The following SPAG16 variants were observed in gnomAD, a reference collection of about 807,000 sequenced individuals.
SPAG16 encodes sperm-associated antigen 16 protein.
A neutral mutation model predicts 80.4 loss-of-function variants in SPAG16; 86 were observed. That is an observed-to-expected ratio of 1.07 (90% CI 0.90 to 1.28). The LOEUF (loss-of-function observed/expected upper bound fraction) is 1.28. SPAG16 is among the 50% of genes most tolerant of loss of function. SPAG16 has a pLI of 0.00. For synonymous variants in SPAG16, 294 were observed against 265.9 expected, an observed-to-expected ratio of 1.11 and a Z score of -1.03; for missense variants, 870 against 765.3, an observed-to-expected ratio of 1.14 and a Z score of -1.61.
At chr2:213,345,662 G>C (rs201254096) in intron 6 of SPAG16, among the ~76,000 whole-genome samples, 33,839 of 136,476 alleles carry the variant, frequency 0.25, 4,600 homozygotes, top group Middle Eastern at 0.42. Flanking sequence ...GCTTGTTTTT[G>C]TCAGGTTTGT....
chr2:213,552,824 G>A (rs184313329), intron 10 of SPAG16, among the ~76,000 whole-genome samples: 343 of 152,272 alleles, frequency 2.3e-3, no homozygotes, highest in Admixed American at 4.2e-3. Context: ...AGAGGAACGT[G>A]GAAGGACTAG....
intron 10 of SPAG16, among the ~76,000 whole-genome samples, chr2:213,493,557 C>T (rs911244167): frequency 3.3e-5 from 5 of 152,132 alleles, no homozygotes; most frequent in African/African-American, 7.2e-5. Flanking sequence ...TCAGTGACTG[C>T]CACTAGTTGT....
At chr2:214,055,396 A>G (rs983843478) in intron 13 of SPAG16, among the ~76,000 whole-genome samples, 1 of 152,120 alleles carries the variant, frequency 6.6e-6, no homozygotes, top group East Asian at 1.9e-4. Context: ...TTTTAAGTAT[A>G]TAAAGAAGCA....
chr2:214,165,660 T>C (rs938748990), intron 15 of SPAG16, among the ~76,000 whole-genome samples: 1 of 142,530 alleles, frequency 7.0e-6, no homozygotes, highest in African/African-American at 2.6e-5. Flanking sequence ...TAGTCAACAA[T>C]TAAACTTTGC....
intron 13 of SPAG16, among the ~76,000 whole-genome samples, chr2:214,095,504 CACTT>C (rs1476247403): frequency 6.6e-6 from 1 of 152,060 alleles, no homozygotes; most frequent in African/African-American, 2.4e-5. Context: ...GTGTATTTGA[CACTT>C]AGTTAATTTT....
At chr2:214,197,036 C>T (rs2057860938) in intron 15 of SPAG16, among the ~76,000 whole-genome samples, 1 of 151,902 alleles carries the variant, frequency 6.6e-6, no homozygotes, top group East Asian at 1.9e-4. Context: ...TTAAATGGCC[C>T]TGGGATATTC....
chr2:213,534,874 A>G (rs892033681), intron 10 of SPAG16, among the ~76,000 whole-genome samples: 2 of 152,148 alleles, frequency 1.3e-5, no homozygotes, highest in Non-Finnish European at 2.9e-5. Context: ...ATTTGGAGAC[A>G]GAGCTTTAAG....
At chr2:214,098,835 C>A (rs766926780) in intron 13 of SPAG16, among the ~76,000 whole-genome samples, 3 of 152,046 alleles carry the variant, frequency 2.0e-5, no homozygotes, top group East Asian at 1.9e-4. Flanking sequence ...GAAGAGTTTA[C>A]TTTGGATTGT....
chr2:213,717,156 AT>A (rs1411155401), intron 10 of SPAG16, among the ~76,000 whole-genome samples: 247 of 144,168 alleles, frequency 1.7e-3, no homozygotes, highest in Admixed American at 3.7e-3. Context: ...GAAACTTTTC[AT>A]TTTTTTTTTT....
chr2:214,189,179 T>C (rs2057578508), intron 15 of SPAG16, among the ~76,000 whole-genome samples: 1 of 152,156 alleles, frequency 6.6e-6, no homozygotes, highest in Admixed American at 6.6e-5. Flanking sequence ...CAACATCTGA[T>C]GTTAAATTAA....
intron 10 of SPAG16, among the ~76,000 whole-genome samples, chr2:213,856,725 A>G (rs2075186616): frequency 1.3e-5 from 2 of 152,180 alleles, no homozygotes; most frequent in South Asian, 4.1e-4. Context: ...CCTGTTAGTC[A>G]TTGCTGGGAT....
At chr2:213,644,314 T>G (rs952100423) in intron 10 of SPAG16, among the ~76,000 whole-genome samples, 2 of 152,150 alleles carry the variant, frequency 1.3e-5, no homozygotes, top group African/African-American at 4.8e-5. Flanking sequence ...GTCTGAAATG[T>G]CACATTTCTC....
chr2:214,018,117 T>G (rs2047680452), intron 13 of SPAG16, among the ~76,000 whole-genome samples: 1 of 152,124 alleles, frequency 6.6e-6, no homozygotes, highest in African/African-American at 2.4e-5. Context: ...AATTACTAGA[T>G]AATATAAATT....
chr2:214,092,600 T>C (rs1282215192), intron 13 of SPAG16, among the ~76,000 whole-genome samples: 1 of 151,982 alleles, frequency 6.6e-6, no homozygotes, highest in Non-Finnish European at 1.5e-5. Context: ...CCTTATTTAT[T>C]GTATCTTTTG....
At chr2:213,404,002 G>A (rs1399498858) in intron 9 of SPAG16, among the ~76,000 whole-genome samples, 1 of 152,078 alleles carries the variant, frequency 6.6e-6, no homozygotes, top group Non-Finnish European at 1.5e-5. Context: ...ACTTACAAGG[G>A]ATGTGAAGGA....
At chr2:213,845,329 C>T (rs1575330956) in intron 10 of SPAG16, among the ~76,000 whole-genome samples, 1 of 151,756 alleles carries the variant, frequency 6.6e-6, no homozygotes, top group Non-Finnish European at 1.5e-5. Context: ...TCCCGAGTAG[C>T]TGGGACTGCA....
chr2:214,343,150 AC>A (rs753526751), intron 15 of SPAG16, among the ~76,000 whole-genome samples: 1 of 152,198 alleles, frequency 6.6e-6, no homozygotes, highest in South Asian at 2.1e-4. Context: ...AATTTAGGGT[AC>A]TACCAAACAT....
At chr2:213,732,195 T>C (rs1049083561) in intron 10 of SPAG16, among the ~76,000 whole-genome samples, 5 of 152,234 alleles carry the variant, frequency 3.3e-5, no homozygotes, top group Non-Finnish European at 7.3e-5. Context: ...TGCTTGTTTT[T>C]GTCAGACTTG....
chr2:213,709,654 C>G (rs1281212555), intron 10 of SPAG16, among the ~76,000 whole-genome samples: 4 of 151,510 alleles, frequency 2.6e-5, no homozygotes, highest in Non-Finnish European at 5.9e-5. Context: ...TTCAAGTATA[C>G]AGGTAGAATT....
Sources: allele counts gnomAD v4.1 joint callset (sites outside exome capture counted in the v4.1 genomes callset), GRCh38; gene constraint gnomAD v4.1.1; transcripts MANE v1.5; gene names NCBI Gene and HGNC (gene_info 2026-07-23, HGNC 2026-07-21).